Variants in SLC47A1 observed in about 807,000 individuals in gnomAD.
SLC47A1 encodes solute carrier family 47 member 1.
A neutral mutation model predicts 65.8 loss-of-function variants in SLC47A1; 58 were observed. That is an observed-to-expected ratio of 0.88 (90% confidence interval 0.71 to 1.10). The LOEUF is 1.10. Ranked by LOEUF, SLC47A1 falls within the 50% of genes least tolerant of loss-of-function variation. The probability of loss-of-function intolerance (pLI) is 0.00; values close to 1 mark genes in which losing one functional copy is unlikely to be tolerated. For synonymous variants in SLC47A1, 285 were observed against 295.0 expected (o/e 0.97, Z 0.35); for missense variants, 706 against 719.2 (o/e 0.98, Z 0.21).
Position 19,555,893 on chromosome 17 carries a change from C to T in SLC47A1, c.837C>T (p.Val279=), listed in dbSNP as rs200409092. The change falls in exon 9 of 17, where the codon GTC becomes GTT. Residue 279 remains valine (V), a synonymous_variant. Coordinates refer to ENST00000270570, the MANE Select transcript of SLC47A1 (RefSeq NM_018242.3). ...MLCMEWWAYE[V]GSFLSGILGM... ...GCATGGAGTGGTGGGCCTATGAGGT[C>T]GGGAGCTTCCTCAGTGGTCTGTATG... 4.0e-5 allele frequency: 65 copies of T among 1,613,952 alleles called. No individual in the cohort carries two copies. In the East Asian group the frequency reaches 1.3e-3, roughly 32 times the overall value.
chr17:19,571,718 T>C (rs1183766307), intron 15 of SLC47A1, 146 bp downstream of exon 15: 1 of 640,758 alleles, frequency 1.6e-6, no homozygotes, highest in African/African-American at 1.8e-5. Flanking sequence ...TTGTTTTAAC[T>C]AGACAGTTCA....
intron 10 of SLC47A1, chr17:19,557,760 C>G (rs747819203): frequency 2.5e-6 from 1 of 395,764 alleles, no homozygotes; most frequent in African/African-American, 2.1e-5. Flanking sequence ...TTCTTCAGTG[C>G]ACCAAATCGA....
At chr17:19,566,330 C>T (rs1054231928) in intron 12 of SLC47A1, among the ~76,000 whole-genome samples, 4 of 152,178 alleles carry the variant, frequency 2.6e-5, no homozygotes, top group Admixed American at 2.6e-4. Context: ...TGAGATACAA[C>T]ATGCAGTTAG....
At chr17:19,553,488 A>G (rs1340412675) in intron 6 of SLC47A1, among the ~76,000 whole-genome samples, 1 of 150,814 alleles carries the variant, frequency 6.6e-6, no homozygotes, top group African/African-American at 2.4e-5. Flanking sequence ...ACCTGGTCCT[A>G]TAGCTTCTGC....
chr17:19,549,383 G>A (rs894613891), intron 4 of SLC47A1, among the ~76,000 whole-genome samples: 2 of 152,030 alleles, frequency 1.3e-5, no homozygotes, highest in African/African-American at 4.8e-5. Flanking sequence ...ATTTTTAGTA[G>A]AGACGGGGTT....
chr17:19,555,132 GA>G (rs1916565302), intron 6 of SLC47A1, 79 bp from the exon 7 acceptor site: 2 of 1,313,570 alleles, frequency 1.5e-6, no homozygotes, highest in Non-Finnish European at 2.2e-6. Flanking sequence ...AGGCCAGCTG[GA>G]GCCTGTGTGT....
chr17:19,545,383 T>C (rs1916259282), intron 2 of SLC47A1, among the ~76,000 whole-genome samples: 1 of 152,054 alleles, frequency 6.6e-6, no homozygotes, highest in African/African-American at 2.4e-5. Flanking sequence ...TAGTAGAGAC[T>C]GGGTTTCACC....
intron 4 of SLC47A1, among the ~76,000 whole-genome samples, chr17:19,548,880 C>T (rs1340389522): frequency 1.3e-5 from 2 of 152,190 alleles, no homozygotes; most frequent in East Asian, 3.9e-4. Context: ...AGTTTGAGAC[C>T]CACTGATTTA....
At chr17:19,554,211 C>T (rs941459368) in intron 6 of SLC47A1, among the ~76,000 whole-genome samples, 6 of 152,108 alleles carry the variant, frequency 3.9e-5, no homozygotes, top group East Asian at 3.9e-4. Flanking sequence ...GTTTGATAGG[C>T]GCTGAGCAGA....
chr17:19,557,512 T>A (rs1403175835), intron 10 of SLC47A1: 1 of 482,752 alleles, frequency 2.1e-6, no homozygotes, highest in African/African-American at 2.0e-5. Flanking sequence ...TAGGAAAAAA[T>A]ATCTTCATAT....
chr17:19,578,067 C>T lies in SLC47A1; in HGVS notation c.*514C>T, dbSNP rs36119998. The T allele has an allele frequency of 1.2e-5, 11 of 911,590 alleles. No individual in the cohort carries two copies. Among genetic ancestry groups the T allele is most frequent in the Admixed American group, 2.3e-5 (1 of 43,018 alleles). The allele number at this position is 911,590 out of a possible 1,614,324, so 56.5% of individuals were successfully genotyped here. A position where few individuals can be genotyped will look rare whatever the true frequency, so the allele number is the denominator to read the frequency against. Reference sequence around the variant, plus strand: ...GTGCGATCATAGCTCACTGCAGCCTCGAACTCTTGGGCTTCAAGCAATCCT... The same window carrying T: ...GTGCGATCATAGCTCACTGCAGCCTTGAACTCTTGGGCTTCAAGCAATCCT... On this transcript the variant is annotated 3_prime_UTR_variant, in exon 17 of 17. Transcript: ENST00000270570.
intron 12 of SLC47A1, 136 bp downstream of exon 12, chr17:19,560,629 T>C: frequency 1.2e-6 from 1 of 869,104 alleles, no homozygotes; most frequent in South Asian, 1.5e-5. Context: ...AACATCTCAC[T>C]CACACCTGTA....
rs144621154 is a variant in SLC47A1 at position 19,577,474 on chromosome 17, G to A, written c.1634G>A (p.Arg545Gln). 83 of 1,614,124 alleles carry A rather than the reference G, an allele frequency of 5.1e-5. No homozygotes were observed. The highest frequency in any genetic ancestry group is 2.7e-4 in the African/African-American group (20 of 75,030). Residue 545 changes from arginine (R) to glutamine (Q), a missense_variant, in exon 17 of 17, where the codon CGG becomes CAG. Physicochemically the swap from Arg to Gln is conservative, Grantham distance 43. Coordinates refer to ENST00000270570, the MANE Select transcript of SLC47A1 (RefSeq NM_018242.3). ...AKLSRKQLVL[R>Q]RGLLLLGVFL... is the part of the protein sequence containing the mutation. Reference sequence around the variant, plus strand: ...TTGTCCAGGAAACAGCTGGTGCTGCGGCGAGGGCTTCTGCTCCTGGGGGTC... The same window carrying A: ...TTGTCCAGGAAACAGCTGGTGCTGCAGCGAGGGCTTCTGCTCCTGGGGGTC...
chr17:19,561,659 A>C (rs1046687706), intron 12 of SLC47A1, among the ~76,000 whole-genome samples: 2 of 151,720 alleles, frequency 1.3e-5, no homozygotes, highest in African/African-American at 4.8e-5. Flanking sequence ...AAAAAAAAAA[A>C]AAAGATCAGA....
In SLC47A1 at chr17:19,560,278, GT is replaced by G; in HGVS notation, c.1015del (p.Ser339ProfsTer3). On this transcript the variant is annotated frameshift_variant, in exon 11 of 17. Coordinates refer to ENST00000270570, the MANE Select transcript of SLC47A1 (RefSeq NM_018242.3). LOFTEE classifies it high-confidence loss of function. ...GGAGCAGGCACGGAAGTCCTCTACCGTTTCCCTGCTGATTACAGGTGCTGAG... is the reference window on the plus strand; with the variant it reads ...GGAGCAGGCACGGAAGTCCTCTACCGTTCCCTGCTGATTACAGGTGCTGAG... ...DMEQARKSST[V>X]SLLITVLFAV... 2 of 1,613,682 alleles carry G rather than the reference GT, an allele frequency of 1.2e-6. No homozygotes were observed. Among genetic ancestry groups the G allele is most frequent in the Non-Finnish European group, 1.7e-6 (2 of 1,179,788 alleles).
At chr17:19,554,014 G>T (rs1916530240) in intron 6 of SLC47A1, among the ~76,000 whole-genome samples, 1 of 152,190 alleles carries the variant, frequency 6.6e-6, no homozygotes, top group African/African-American at 2.4e-5. Flanking sequence ...CAAGACCATT[G>T]TCCTGGCCCC....
intron 6 of SLC47A1, 37 bp from the exon 7 acceptor site, chr17:19,555,175 T>C: frequency 6.3e-7 from 1 of 1,587,296 alleles, no homozygotes; most frequent in South Asian, 1.1e-5. Context: ...TCCTATTCTG[T>C]GGATCTCAAG....
At chr17:19,551,873 G>T (rs1266317214) in intron 6 of SLC47A1, among the ~76,000 whole-genome samples, 1 of 152,244 alleles carries the variant, frequency 6.6e-6, no homozygotes, top group African/African-American at 2.4e-5. Flanking sequence ...CAAACTGTCT[G>T]CTCTGTTCTG....
At chr17:19,553,545 CTTTTTT>C (rs144325967) in intron 6 of SLC47A1, among the ~76,000 whole-genome samples, 10 of 133,608 alleles carry the variant, frequency 7.5e-5, no homozygotes, top group East Asian at 2.3e-4. Flanking sequence ...TTCTTTCTTC[CTTTTTT>C]TTTTTTTTTT....
Sources: allele counts gnomAD v4.1 joint callset (sites outside exome capture counted in the v4.1 genomes callset), GRCh38; gene constraint gnomAD v4.1.1; transcripts MANE v1.5; gene names NCBI Gene and HGNC (gene_info 2026-07-23, HGNC 2026-07-21).